ACER2: variants seen among roughly 807,000 people sequenced by gnomAD.
ACER2 encodes alkaline ceramidase 2, also known as alkCDase 2.
Under a neutral mutation model 34.7 loss-of-function variants are expected in ACER2, and 26 were observed. The observed-to-expected ratio is 0.75, with a 90% CI of 0.55 to 1.04. The LOEUF is 1.04. Ranked by LOEUF, ACER2 falls within the 50% of genes least tolerant of loss-of-function variation. ACER2 has a pLI of 0.00. For synonymous variants in ACER2, 138 were observed against 132.1 expected, an observed-to-expected ratio of 1.04 and a Z score of -0.31; for missense variants, 352 against 340.8, an observed-to-expected ratio of 1.03 and a Z score of -0.26.
At position 19,446,262 on chromosome 9, in the gene ACER2, T is replaced by C; in HGVS notation, c.504-19T>C. The C allele has an allele frequency of 6.2e-7, 1 of 1,613,984 alleles. No homozygotes were observed. The highest frequency in any genetic ancestry group is 1.1e-5 in the South Asian group (1 of 91,066). On this transcript the variant is annotated intron_variant, in intron 4 of 5. Coordinates refer to ENST00000340967, the MANE Select transcript of ACER2 (RefSeq NM_001010887.3). ...GAGACAAGGTCTGACGATGAGTGAC[T>C]CTCTGGACCCCCGTGCAGGTGTGAC...
intron 3 of ACER2, among the ~76,000 whole-genome samples, chr9:19,434,536 C>T (rs553655061): frequency 1.3e-3 from 198 of 152,334 alleles, no homozygotes; most frequent in Non-Finnish European, 2.0e-3. Flanking sequence ...CTCAGGAGGC[C>T]GAGGCTGGCG....
At chr9:19,446,126 C>T (rs1190645338) in intron 4 of ACER2, 155 bp from the exon 5 acceptor site, 3 of 1,065,520 alleles carry the variant, frequency 2.8e-6, no homozygotes, top group Non-Finnish European at 4.4e-6. Context: ...TATTTACATC[C>T]ATGAGACTGT....
intron 3 of ACER2, among the ~76,000 whole-genome samples, chr9:19,432,123 A>G (rs1271394063): frequency 1.3e-5 from 2 of 152,252 alleles, no homozygotes; most frequent in Admixed American, 1.3e-4. Flanking sequence ...TTCTACTGAA[A>G]TGACCTCCAC....
chr9:19,450,784 T>C lies in ACER2; in HGVS notation c.*148T>C. ...GCTGGGGCTCTTAATTTCTTTAGTG[T>C]TCTTTGTATGTAGGGATTTAAACTT... On this transcript the variant is annotated 3_prime_UTR_variant, in exon 6 of 6. Transcript: ENST00000340967. 1 of 701,306 alleles carries C rather than the reference T, an allele frequency of 1.4e-6. No homozygotes were observed. Among genetic ancestry groups the C allele is most frequent in the Non-Finnish European group, 2.1e-6 (1 of 467,826 alleles). 43.4% of individuals were successfully genotyped at this position (701,306 alleles called of 1,614,324 possible).
intron 5 of ACER2, chr9:19,446,752 G>A: frequency 1.7e-6 from 1 of 605,160 alleles, no homozygotes; most frequent in Non-Finnish European, 2.1e-6. Flanking sequence ...GAGGGGAGAG[G>A]TAGGGGAAAG....
rs553165389 is a variant in ACER2 at position 19,448,129 on chromosome 9, C to G, written c.641+1711C>G. 5.3e-5 allele frequency among the ~76,000 whole-genome samples: 8 copies of G among 151,700 alleles called. No individual in the cohort carries two copies. The East Asian group carries it at 1.4e-3, about 26-fold the overall frequency. On this transcript the variant is annotated intron_variant, in intron 5 of 5. Coordinates refer to ENST00000340967, the MANE Select transcript of ACER2 (RefSeq NM_001010887.3). ...TGAAAGTGATTCTCCCACCTCACCC[C>G]CTGCAGGGAGCTGGGACTACAGGTG... is the stretch of plus-strand genomic sequence containing the variant.
At chr9:19,435,918 G>A (rs573863288) in intron 4 of ACER2, among the ~76,000 whole-genome samples, 17 of 152,134 alleles carry the variant, frequency 1.1e-4, no homozygotes, top group East Asian at 1.9e-4. Flanking sequence ...GCATGGTGGC[G>A]GGCGCCTGTA....
chr9:19,440,538 A>G (rs1237190417), intron 4 of ACER2, among the ~76,000 whole-genome samples: 2 of 152,164 alleles, frequency 1.3e-5, no homozygotes, highest in African/African-American at 4.8e-5. Context: ...AGTAGGTGTC[A>G]TCTGTGAGGA....
intron 5 of ACER2, among the ~76,000 whole-genome samples, chr9:19,448,772 T>C (rs974921990): frequency 3.3e-5 from 5 of 152,374 alleles, no homozygotes; most frequent in African/African-American, 1.2e-4. Flanking sequence ...TGGGCATCTT[T>C]TCAAATGTCA....
intron 4 of ACER2, 33 bp downstream of exon 4, chr9:19,435,117 G>A (rs774487998): frequency 3.1e-6 from 5 of 1,611,912 alleles, no homozygotes; most frequent in Admixed American, 3.3e-5. Flanking sequence ...ACCCTTAGCT[G>A]TCCCCGTGCT....
intron 1 of ACER2, among the ~76,000 whole-genome samples, chr9:19,412,582 G>C (rs1034642881): frequency 6.6e-6 from 1 of 151,250 alleles, no homozygotes; most frequent in Non-Finnish European, 1.5e-5. Context: ...TTGAACCTGG[G>C]AGGTGAAGGT....
At chr9:19,428,704 G>A (rs922043542) in intron 3 of ACER2, among the ~76,000 whole-genome samples, 1 of 147,194 alleles carries the variant, frequency 6.8e-6, no homozygotes, top group South Asian at 2.2e-4. Context: ...AAGGCCTATA[G>A]TACAATGGCT....
At position 19,451,499 on chromosome 9, in the gene ACER2, T is replaced by G. The variant is rs975598330; in HGVS notation, c.*863T>G. On this transcript the variant is annotated 3_prime_UTR_variant, in exon 6 of 6. Coordinates refer to ENST00000340967, the MANE Select transcript of ACER2 (RefSeq NM_001010887.3). The stretch of plus-strand genomic sequence containing the variant: ...AGACTTCAGATAAACGTGAAGCTAA[T>G]GAGTAAAACCCTCTCTGCCAAAACC... The G allele has an allele frequency of 1.3e-5, 2 of 152,664 alleles. No homozygotes were observed. The highest frequency in any genetic ancestry group is 2.9e-5 in the Non-Finnish European group (2 of 68,040). 9.5% of individuals were successfully genotyped at this position (152,664 alleles called of 1,614,324 possible).
intron 1 of ACER2, among the ~76,000 whole-genome samples, chr9:19,417,785 G>A (rs1830280363): frequency 6.6e-6 from 1 of 152,142 alleles, no homozygotes; most frequent in Admixed American, 6.5e-5. Context: ...TACCATTCAG[G>A]ACATATGCAT....
intron 1 of ACER2, among the ~76,000 whole-genome samples, chr9:19,412,875 A>G (rs1306759155): frequency 6.6e-6 from 1 of 152,150 alleles, no homozygotes; most frequent in Non-Finnish European, 1.5e-5. Context: ...TATCTAATCA[A>G]TCCTTATTGA....
intron 4 of ACER2, among the ~76,000 whole-genome samples, chr9:19,443,751 G>T (rs1831237890): frequency 6.6e-6 from 1 of 151,678 alleles, no homozygotes; most frequent in Admixed American, 6.6e-5. Flanking sequence ...CCACAATCTG[G>T]GTTCAAGTGA....
At chr9:19,417,984 G>A (rs1450856266) in intron 1 of ACER2, among the ~76,000 whole-genome samples, 1 of 151,756 alleles carries the variant, frequency 6.6e-6, no homozygotes, top group Admixed American at 6.6e-5. Flanking sequence ...AATCTACAAG[G>A]AACTTAAACA....
At chr9:19,446,252 G>A (rs750766761) in intron 4 of ACER2, 29 bp from the exon 5 acceptor site, 59 of 1,613,980 alleles carry the variant, frequency 3.7e-5, no homozygotes, top group South Asian at 1.9e-4. Context: ...AAGGTCTGAC[G>A]ATGAGTGACT....
At chr9:19,444,548 G>A (rs1831283522) in intron 4 of ACER2, among the ~76,000 whole-genome samples, 1 of 152,194 alleles carries the variant, frequency 6.6e-6, no homozygotes, top group Non-Finnish European at 1.5e-5. Context: ...TTACAAATTT[G>A]TGTTGGGCCT....
Sources: allele counts gnomAD v4.1 joint callset (sites outside exome capture counted in the v4.1 genomes callset), GRCh38; gene constraint gnomAD v4.1.1; transcripts MANE v1.5; gene names NCBI Gene and HGNC (gene_info 2026-07-23, HGNC 2026-07-21).